TLCD4: variants seen among roughly 807,000 people sequenced by gnomAD.
TLCD4 encodes TLC domain containing 4, also known as TLC domain-containing protein 4.
A neutral mutation model predicts 24.2 loss-of-function variants in TLCD4; 7 were observed. The observed-to-expected ratio is 0.29, with a 90% CI of 0.16 to 0.54. TLCD4 has a LOEUF of 0.54. Ranked by LOEUF, TLCD4 falls within the 20% of genes least tolerant of loss-of-function variation. The pLI is 0.95. For synonymous variants in TLCD4, 103 were observed against 106.4 expected, an observed-to-expected ratio of 0.97 and a Z score of 0.20; for missense variants, 259 against 313.9, an observed-to-expected ratio of 0.82 and a Z score of 1.32.
At chr1:95,157,442 A>G (rs1223214953) in intron 5 of TLCD4, among the ~76,000 whole-genome samples, 1 of 152,252 alleles carries the variant, frequency 6.6e-6, no homozygotes, top group East Asian at 1.9e-4. Flanking sequence ...TGTCAGAAGG[A>G]CACAAGATCC....
chr1:95,150,170 T>G, intron 3 of TLCD4, 38 bp from the exon 4 acceptor site: 1 of 1,590,248 alleles, frequency 6.3e-7, no homozygotes, highest in Non-Finnish European at 8.5e-7. Flanking sequence ...TCATCTACAA[T>G]CTATATACTT....
chr1:95,153,764 A>G (rs1236155399), intron 5 of TLCD4, among the ~76,000 whole-genome samples: 1 of 152,148 alleles, frequency 6.6e-6, no homozygotes, highest in Non-Finnish European at 1.5e-5. Flanking sequence ...GTCTTATAAC[A>G]AACAATTGAA....
At chr1:95,100,995 C>T in the TLCD4 span, among the ~76,000 whole-genome samples, 1 of 151,848 alleles carries the variant, frequency 6.6e-6, no homozygotes, top group East Asian at 1.9e-4. Flanking sequence ...GCAACCTCTG[C>T]CTCCTGGGTT....
intron 5 of TLCD4, among the ~76,000 whole-genome samples, chr1:95,157,444 A>C (rs1677665071): frequency 6.6e-6 from 1 of 152,250 alleles, no homozygotes; most frequent in Non-Finnish European, 1.5e-5. Flanking sequence ...TCAGAAGGAC[A>C]CAAGATCCAA....
intron 1 of TLCD4, among the ~76,000 whole-genome samples, chr1:95,142,661 C>T (rs1207118377): frequency 2.0e-5 from 3 of 152,006 alleles, no homozygotes. Flanking sequence ...AGTAGTGGCC[C>T]ACAATCTAGG....
chr1:95,121,585 C>A (rs920814631), intron 1 of TLCD4, among the ~76,000 whole-genome samples: 4 of 152,230 alleles, frequency 2.6e-5, no homozygotes, highest in African/African-American at 9.6e-5. Flanking sequence ...ATTCTCCTGC[C>A]TCAGCCTCCC....
upstream of TLCD4, among the ~76,000 whole-genome samples, chr1:95,112,857 A>G (rs1427885931): frequency 6.6e-6 from 1 of 152,104 alleles, no homozygotes; most frequent in Admixed American, 6.6e-5. Flanking sequence ...TCTAAAATTT[A>G]GGTTAGATAC....
intron 1 of TLCD4, among the ~76,000 whole-genome samples, chr1:95,143,207 TGTTA>T (rs937660372): frequency 1.2e-4 from 18 of 152,120 alleles, no homozygotes; most frequent in Non-Finnish European, 2.4e-4. Context: ...CCAGTTATTT[TGTTA>T]GTTAGGTGTG....
chr1:95,102,630 T>C, the TLCD4 span, among the ~76,000 whole-genome samples: 4 of 152,158 alleles, frequency 2.6e-5, no homozygotes, highest in Non-Finnish European at 5.9e-5. Context: ...ATACGTGGAA[T>C]TGATACCAGA....
At chr1:95,113,268 C>T (rs1158444235), upstream of TLCD4, among the ~76,000 whole-genome samples, 1 of 152,070 alleles carries the variant, frequency 6.6e-6, no homozygotes, top group Non-Finnish European at 1.5e-5. Flanking sequence ...GTGGTCTCAA[C>T]CTCCTAACCT....
At chr1:95,128,413 A>G (rs1444786383) in intron 1 of TLCD4, among the ~76,000 whole-genome samples, 1 of 152,232 alleles carries the variant, frequency 6.6e-6, no homozygotes, top group Non-Finnish European at 1.5e-5. Context: ...GATTTAATTT[A>G]TTTTTAAATT....
At chr1:95,115,210 G>A (rs1676407853), upstream of TLCD4, among the ~76,000 whole-genome samples, 2 of 151,518 alleles carry the variant, frequency 1.3e-5, no homozygotes, top group Admixed American at 6.6e-5. Context: ...AGGTTCAAGC[G>A]ATTTTCCTAC....
intron 6 of TLCD4, among the ~76,000 whole-genome samples, chr1:95,178,372 G>C (rs1277296807): frequency 6.6e-6 from 1 of 152,126 alleles, no homozygotes. Flanking sequence ...CGGTTCTCCT[G>C]CCTCAGCCTC....
At chr1:95,182,787 G>T (rs1678692299) in intron 6 of TLCD4, among the ~76,000 whole-genome samples, 1 of 152,050 alleles carries the variant, frequency 6.6e-6, no homozygotes, top group South Asian at 2.1e-4. Flanking sequence ...GTCACGTAAG[G>T]CTTCACAGAG....
rs752377659 is a variant in TLCD4 at position 95,173,907 on chromosome 1, T to C, written c.473+18T>C. ...AATCAGCGGTATGTTACTGATATCA[T>C]TGATTATTTTAAAGTCATGCTGTTT... On this transcript the variant is annotated intron_variant, in intron 6 of 6. Transcript: ENST00000370203. 1.9e-6 allele frequency: 3 copies of C among 1,613,500 alleles called. No homozygotes were observed. The highest frequency in any genetic ancestry group is 1.3e-5 in the African/African-American group (1 of 75,032).
chr1:95,104,463 G>C, the TLCD4 span, among the ~76,000 whole-genome samples: 7,169 of 151,704 alleles, frequency 0.047, 181 homozygotes, highest in South Asian at 0.056. Context: ...AGGAGATCGA[G>C]ACCATGCTGG....
chr1:95,179,086 A>C (rs1571778534), intron 6 of TLCD4, among the ~76,000 whole-genome samples: 1 of 152,154 alleles, frequency 6.6e-6, no homozygotes, highest in Non-Finnish European at 1.5e-5. Context: ...TGGCTACCTT[A>C]CCAGTTTCTA....
the TLCD4 span, among the ~76,000 whole-genome samples, chr1:95,097,025 T>C: frequency 6.6e-6 from 1 of 152,216 alleles, no homozygotes; most frequent in Non-Finnish European, 1.5e-5. Context: ...TCATCTCTTC[T>C]GTCTTGTCCC....
intron 1 of TLCD4, among the ~76,000 whole-genome samples, chr1:95,138,811 A>G (rs887611248): frequency 1.2e-4 from 19 of 152,178 alleles, no homozygotes; most frequent in African/African-American, 4.6e-4. Context: ...TACTGAATAC[A>G]TGGTGTAGAC....
Sources: allele counts gnomAD v4.1 joint callset (sites outside exome capture counted in the v4.1 genomes callset), GRCh38; gene constraint gnomAD v4.1.1; transcripts MANE v1.5; gene names NCBI Gene and HGNC (gene_info 2026-07-23, HGNC 2026-07-21).